The following CYP27B1 variants were observed in gnomAD, a reference collection of about 807,000 sequenced individuals.
CYP27B1 encodes cytochrome P450 family 27 subfamily B member 1, also known as 25-hydroxyvitamin D-1 alpha hydroxylase, mitochondrial.
Under a neutral mutation model 54.8 loss-of-function variants are expected in CYP27B1, and 46 were observed. That is an observed-to-expected ratio of 0.84 (90% CI 0.66 to 1.07). The LOEUF is 1.07. CYP27B1 is among the 50% of genes least tolerant of loss of function. The pLI, the probability that CYP27B1 is intolerant of heterozygous loss-of-function variation, is 0.00. For missense variants in CYP27B1, 674 were observed against 692.2 expected (o/e 0.97, Z 0.30); for synonymous variants, 292 against 297.3 (o/e 0.98, Z 0.18).
In CYP27B1 at chr12:57,764,510, C is replaced by T. The variant is rs28934606; in HGVS notation, c.1004G>A (p.Arg335Gln). Residue 335 changes from arginine to glutamine, a missense_variant, in exon 6 of 9, where the codon CGG (arginine) becomes CAG (glutamine). Physicochemically the swap from Arg to Gln is conservative, Grantham distance 43. Coordinates refer to ENST00000228606, the MANE Select transcript of CYP27B1 (RefSeq NM_000785.4). ...TLSWALYELS[R>Q]HPEVQTALHS... Reference sequence around the variant, plus strand: ...GAGTGCTGTCTGGACTTCGGGGTGCCGGGAGAGCTCATACAGAGCCCAAGA... The same window carrying T: ...GAGTGCTGTCTGGACTTCGGGGTGCTGGGAGAGCTCATACAGAGCCCAAGA... The T allele has an allele frequency of 1.2e-6, 2 of 1,613,964 alleles. No homozygotes were observed. Among genetic ancestry groups the T allele is most frequent in the African/African-American group, 1.3e-5 (1 of 74,894 alleles).
chr12:57,765,416 G>A lies in CYP27B1; in HGVS notation c.470C>T (p.Thr157Ile), dbSNP rs1320931254. ...RPQAAARYAGTLNNVVCDLVR... is the reference protein window; with the variant it reads ...RPQAAARYAGILNNVVCDLVR... The stretch of plus-strand genomic sequence containing the variant: ...AAGGTCGCAGACTACGTTGTTCAGG[G>A]TTCCGGCGTAGCGGGCGGCCGCTTG... The change falls in exon 3 of 9, where the codon ACC (threonine) becomes ATC (isoleucine). Residue 157 changes from threonine (T) to isoleucine (I), a missense_variant. Physicochemically the swap from Thr to Ile is moderately conservative, Grantham distance 89. Transcript: ENST00000228606. The surrounding 1 kb of genome is among the most constrained non-coding windows in gnomAD (Gnocchi z 5.8). 1 of 1,612,954 alleles carries A rather than the reference G, an allele frequency of 6.2e-7. No individual in the cohort carries two copies. The highest frequency in any genetic ancestry group is 1.1e-5 in the South Asian group (1 of 90,884).
At position 57,767,045 on chromosome 12, in the gene CYP27B1, C is replaced by T; in HGVS notation, c.-4G>A. 6.2e-7 allele frequency: 1 copy of T among 1,614,130 alleles called. No individual in the cohort carries two copies. Among genetic ancestry groups the T allele is most frequent in the Non-Finnish European group, 8.5e-7 (1 of 1,180,002 alleles). On this transcript the variant is annotated 5_prime_UTR_variant, in exon 1 of 9. Transcript: ENST00000228606. The stretch of plus-strand genomic sequence containing the variant: ...CGTACTTGAGGGTCTGGGTCATGGT[C>T]TGGTTCAGGGTGCTCGCGAAAGAAA...
chr12:57,766,817 C>T, intron 1 of CYP27B1, 30 bp downstream of exon 1: 1 of 1,611,490 alleles, frequency 6.2e-7, no homozygotes, highest in East Asian at 2.2e-5. Context: ...TTCCCCAGCA[C>T]TCTGTCTCGG....
intron 8 of CYP27B1, 99 bp downstream of exon 8, chr12:57,763,512 C>G: frequency 9.1e-7 from 1 of 1,101,604 alleles, no homozygotes; most frequent in Admixed American, 1.7e-5. Context: ...TCTACCAGGT[C>G]TTATATGATT....
In CYP27B1 at chr12:57,765,748, C is replaced by A; in HGVS notation, c.387-249G>T. 1.2e-6 allele frequency: 1 copy of A among 809,456 alleles called. No individual in the cohort carries two copies. Among genetic ancestry groups the A allele is most frequent in the African/African-American group, 1.7e-5 (1 of 58,460 alleles). 50.1% of individuals were successfully genotyped at this position (809,456 alleles called of 1,614,324 possible). ...AACCTTACATTCATTCCATCCAGAT[C>A]CTTGTACCCTAGCCCAATTCCTCCG... On this transcript the variant is annotated intron_variant, in intron 2 of 8. Transcript: ENST00000228606. The surrounding 1 kb of genome is among the most constrained non-coding windows in gnomAD (Gnocchi z 5.8).
chr12:57,766,394 G>A (rs918558730), intron 1 of CYP27B1, 197 bp from the exon 2 acceptor site: 15 of 690,128 alleles, frequency 2.2e-5, no homozygotes, highest in Middle Eastern at 3.9e-4. Context: ...TGAGTGTGAT[G>A]GGCAAAACCG....
rs757283928 is a variant in CYP27B1, at chr12:57,765,142, GTCTCCGTGTC to G, written c.649_658del (p.Asp217ProfsTer15). On this transcript the variant is annotated frameshift_variant, in exon 4 of 9. Coordinates refer to ENST00000228606, the MANE Select transcript of CYP27B1 (RefSeq NM_000785.4). LOFTEE classifies it high-confidence loss of function. This position sits in a 1 kb window ranked among gnomAD's most constrained non-coding sequence, Gnocchi z 5.8. Reference sequence around the variant, plus strand: ...CACCGAGCCCACAGCGCGGATGAAGGTCTCCGTGTCGGGTGGCACTTGAGCCTCCAGGCAG... The same window carrying G: ...CACCGAGCCCACAGCGCGGATGAAGGGGGTGGCACTTGAGCCTCCAGGCAG... 1 of 1,613,894 alleles carries G rather than the reference GTCTCCGTGTC, an allele frequency of 6.2e-7. No homozygotes were observed. The highest frequency in any genetic ancestry group is 8.5e-7 in the Non-Finnish European group (1 of 1,179,996).
chr12:57,766,176 C>G lies in CYP27B1; in HGVS notation c.217G>C (p.Gly73Arg), dbSNP rs1264493784. 1 of 1,543,386 alleles carries G rather than the reference C, an allele frequency of 6.5e-7. No homozygotes were observed. Among genetic ancestry groups the G allele is most frequent in the Non-Finnish European group, 8.7e-7 (1 of 1,145,242 alleles). ...CCAAAGCTGGCTAGCCACACCGGCC[C>G]GAAGTGCGCGGCGCCCTGCACCTGG... is the stretch of plus-strand genomic sequence containing the variant. ...ELQVQGAAHF[G>R]PVWLASFGTV... is the part of the protein sequence containing the mutation. The change falls in exon 2 of 9, where the codon GGG becomes CGG. Residue 73 changes from glycine to arginine, a missense_variant. Coordinates refer to ENST00000228606, the MANE Select transcript of CYP27B1 (RefSeq NM_000785.4).
intron 7 of CYP27B1, 102 bp from the exon 8 acceptor site, chr12:57,763,910 T>C: frequency 2.4e-6 from 3 of 1,259,104 alleles, no homozygotes; most frequent in East Asian, 4.8e-5. Flanking sequence ...TGGTGGGTGA[T>C]GGGGAAGTTT....
rs762932963 is a variant in CYP27B1, at chr12:57,765,343, G to A, written c.543C>T (p.Ala181=). The change falls in exon 3 of 9, where the codon GCC becomes GCT. Residue 181 remains alanine (A), a synonymous_variant. Coordinates refer to ENST00000228606, the MANE Select transcript of CYP27B1 (RefSeq NM_000785.4). The surrounding 1 kb of genome is among the most constrained non-coding windows in gnomAD (Gnocchi z 5.8). ...ATTCCCCCGCCACGTCCCGAACCAG[G>A]GCGGGCGGCCCCGTGCCACGTCCCC... ...RQRGRGTGPP[A]LVRDVAGEFY... 9.3e-6 allele frequency: 15 copies of A among 1,613,356 alleles called. No homozygotes were observed. The highest frequency in any genetic ancestry group is 2.2e-5 in the East Asian group (1 of 44,874).
rs565963580 is a variant in CYP27B1 at position 57,765,364 on chromosome 12, T to A, written c.522A>T (p.Gly174=). 10 of 1,613,352 alleles carry A rather than the reference T, an allele frequency of 6.2e-6. No individual in the cohort carries two copies. In the East Asian group the frequency reaches 8.9e-5, roughly 14 times the overall value. ...CCAGGGCGGGCGGCCCCGTGCCACG[T>A]CCCCGCTGGCGCCTCAGACGCCGCA... The part of the protein sequence containing the change: ...DLVRRLRRQR[G]RGTGPPALVR... The change falls in exon 3 of 9, where the codon GGA becomes GGT. Residue 174 remains glycine (G), a synonymous_variant. Transcript: ENST00000228606. The surrounding 1 kb of genome is among the most constrained non-coding windows in gnomAD (Gnocchi z 5.8).
Position 57,762,953 on chromosome 12 carries a change from G to T in CYP27B1, c.*189C>A. On this transcript the variant is annotated 3_prime_UTR_variant, in exon 9 of 9. Coordinates refer to ENST00000228606, the MANE Select transcript of CYP27B1 (RefSeq NM_000785.4). ...AGAGAGACCATGGTTTTCTCACCTG[G>T]CTTCCTGAGTCAGGCCAAGTGCATA... is the stretch of plus-strand genomic sequence containing the variant. The T allele has an allele frequency of 1.7e-6, 1 of 604,856 alleles. No individual in the cohort carries two copies. 37.5% of individuals were successfully genotyped at this position (604,856 alleles called of 1,614,324 possible).
rs551616538 is a variant in CYP27B1, at chr12:57,764,821, C to A, written c.896G>T (p.Arg299Leu). ...SGAHLTHFLFREELPAQSILG... is the reference protein window; with the variant it reads ...SGAHLTHFLFLEELPAQSILG... ...GATGGACTGGGCAGGCAACTCTTCC[C>A]GGAACAGGAAGTGGGTCAGGTGCGC... Residue 299 changes from arginine (R) to leucine (L), a missense_variant, in exon 5 of 9, where the codon CGG (arginine) becomes CTG (leucine). By Grantham distance (102) the Arg-to-Leu change is moderately radical. Transcript: ENST00000228606. The A allele has an allele frequency of 6.2e-7, 1 of 1,614,174 alleles. No individual in the cohort carries two copies. Among genetic ancestry groups the A allele is most frequent in the African/African-American group, 1.3e-5 (1 of 75,050 alleles).
At position 57,764,799 on chromosome 12, in the gene CYP27B1, G is replaced by A. The variant is rs1389649099; in HGVS notation, c.918C>T (p.Ser306=). The A allele has an allele frequency of 6.2e-7, 1 of 1,614,150 alleles. No homozygotes were observed. The change falls in exon 5 of 9, where the codon TCC becomes TCT. Residue 306 remains serine, a synonymous_variant. Transcript: ENST00000228606. ...FLFREELPAQ[S]ILGNVTELLL... ...GCAACTCTGTCACATTTCCCAGGAT[G>A]GACTGGGCAGGCAACTCTTCCCGGA...
At chr12:57,763,990 G>T in intron 7 of CYP27B1, 108 bp downstream of exon 7, 1 of 1,103,570 alleles carries the variant, frequency 9.1e-7, no homozygotes, top group Non-Finnish European at 1.4e-6. Context: ...CCTAGAGAGG[G>T]GTCAAGGGGA....
At position 57,765,880 on chromosome 12, in the gene CYP27B1, C is replaced by T; in HGVS notation, c.386+127G>A. On this transcript the variant is annotated intron_variant, in intron 2 of 8. Coordinates refer to ENST00000228606, the MANE Select transcript of CYP27B1 (RefSeq NM_000785.4). This position sits in a 1 kb window ranked among gnomAD's most constrained non-coding sequence, Gnocchi z 5.8. ...GTGAAGCAGACTGGGATGGGAACCC[C>T]AAGATGCCCAATGGTAGAGTGGGAC... 1 of 1,428,886 alleles carries T rather than the reference C, an allele frequency of 7.0e-7. No individual in the cohort carries two copies. Among genetic ancestry groups the T allele is most frequent in the Non-Finnish European group, 9.2e-7 (1 of 1,092,516 alleles). 88.5% of individuals were successfully genotyped at this position (1,428,886 alleles called of 1,614,324 possible).
chr12:57,766,965 C>T lies in CYP27B1; in HGVS notation c.77G>A (p.Gly26Asp), dbSNP rs911184682. 3.1e-6 allele frequency: 5 copies of T among 1,614,076 alleles called. No homozygotes were observed. The African/African-American group carries it at 6.7e-5, about 22-fold the overall frequency. ...GCGTGCTGAGTGGTACTCTCGGTAG[C>T]CTAGGGAGGCGCCCAACTCGGGCGC... ...RWAPELGASL[G>D]YREYHSARRS... The change falls in exon 1 of 9, where the codon GGC becomes GAC. Residue 26 changes from glycine (G) to aspartate (D), a missense_variant. Coordinates refer to ENST00000228606, the MANE Select transcript of CYP27B1 (RefSeq NM_000785.4).
rs1955327233 is a variant in CYP27B1, at chr12:57,762,532, C to A, written c.*610G>T. 6.1e-6 allele frequency: 1 copy of A among 162,924 alleles called. No individual in the cohort carries two copies. Among genetic ancestry groups the A allele is most frequent in the Non-Finnish European group, 1.4e-5 (1 of 73,346 alleles). The allele number at this position is 162,924 out of a possible 1,614,324, so 10.1% of individuals were successfully genotyped here. ...CGTAAACCAGGCTAGGGCAGATTCA[C>A]CTTCCTAGGGGCAAGACAAAGAAGG... is the stretch of plus-strand genomic sequence containing the variant. On this transcript the variant is annotated 3_prime_UTR_variant, in exon 9 of 9. Transcript: ENST00000228606.
intron 6 of CYP27B1, 86 bp from the exon 7 acceptor site, chr12:57,764,262 T>A (rs1270564965): frequency 7.7e-6 from 12 of 1,563,854 alleles, no homozygotes; most frequent in Non-Finnish European, 1.1e-5. Context: ...TCCAAACCCT[T>A]TTTGGCCAGG....
Sources: gnomAD v4.1 joint callset for allele counts on GRCh38, gnomAD v4.1.1 for gene constraint, Gnocchi (gnomAD v3.1) non-coding constraint, MANE v1.5 for transcripts, NCBI Gene and HGNC (gene_info 2026-07-23, HGNC 2026-07-21) for gene names.